PCLAF: variants seen among roughly 807,000 people sequenced by gnomAD.
The protein encoded by PCLAF is PCNA-associated factor.
In PCLAF, 12 loss-of-function variants were observed where a neutral mutation model predicts 15.1. The observed-to-expected ratio is 0.79, with a 90% confidence interval of 0.51 to 1.29. The LOEUF (loss-of-function observed/expected upper bound fraction) is 1.29. Ranked by LOEUF, PCLAF falls within the 50% of genes most tolerant of loss-of-function variation. PCLAF has a pLI of 0.00. For synonymous variants in PCLAF, 33 were observed against 47.1 expected (o/e 0.70, Z 1.22); for missense variants, 116 against 130.9 (o/e 0.89, Z 0.56).
At chr15:64,369,699 T>C (rs1405185536) in intron 3 of PCLAF, among the ~76,000 whole-genome samples, 1 of 152,156 alleles carries the variant, frequency 6.6e-6, no homozygotes, top group African/African-American at 2.4e-5. Context: ...CACATGCATG[T>C]GCCACCATAC....
chr15:64,386,395 ACT>A (rs1444509468), upstream of PCLAF, among the ~76,000 whole-genome samples: 1 of 152,208 alleles, frequency 6.6e-6, no homozygotes, highest in Non-Finnish European at 1.5e-5. Flanking sequence ...ATCAGGGCTC[ACT>A]TCAAGCTTGA....
intron 3 of PCLAF, among the ~76,000 whole-genome samples, chr15:64,375,876 G>A (rs1899586869): frequency 6.6e-6 from 1 of 152,178 alleles, no homozygotes; most frequent in African/African-American, 2.4e-5. Context: ...TATGTGAATG[G>A]GAACTGATCC....
chr15:64,366,663 C>A (rs929838758), intron 3 of PCLAF, among the ~76,000 whole-genome samples: 3 of 151,940 alleles, frequency 2.0e-5, no homozygotes, highest in Non-Finnish European at 4.4e-5. Context: ...CTTAGTGACA[C>A]CCCATCTCTA....
At chr15:64,383,435 C>T (rs553210335), upstream of PCLAF, among the ~76,000 whole-genome samples, 1 of 150,916 alleles carries the variant, frequency 6.6e-6, no homozygotes, top group East Asian at 2.0e-4. Flanking sequence ...GGCGTGTTCT[C>T]GGCTCACTGC....
intron 2 of PCLAF, among the ~76,000 whole-genome samples, chr15:64,380,738 T>C (rs1899785977): frequency 6.6e-6 from 1 of 152,058 alleles, no homozygotes; most frequent in Admixed American, 6.6e-5. Context: ...GGCTTGAAGA[T>C]AAGGTGTGTC....
At chr15:64,379,251 A>G (rs2140531957) in intron 2 of PCLAF, among the ~76,000 whole-genome samples, 1 of 152,002 alleles carries the variant, frequency 6.6e-6, no homozygotes, top group Non-Finnish European at 1.5e-5. Flanking sequence ...CTGAGGCGGG[A>G]GGATTGCTTC....
chr15:64,379,796 G>A (rs1388128737), intron 2 of PCLAF, among the ~76,000 whole-genome samples: 1 of 152,086 alleles, frequency 6.6e-6, no homozygotes, highest in East Asian at 1.9e-4. Flanking sequence ...CGCACAGAAG[G>A]AGCAGCGTGA....
At chr15:64,383,633 C>T (rs752927996), upstream of PCLAF, among the ~76,000 whole-genome samples, 6 of 152,106 alleles carry the variant, frequency 3.9e-5, no homozygotes, top group Non-Finnish European at 7.3e-5. Context: ...TCCCAAAGTG[C>T]TGGGATTACA....
intron 1 of PCLAF, 52 bp downstream of exon 1, chr15:64,381,274 A>G: frequency 6.2e-7 from 1 of 1,604,296 alleles, no homozygotes; most frequent in Non-Finnish European, 8.5e-7. Context: ...GCCCGTGGCC[A>G]GGCTGCCGGG....
intron 1 of PCLAF, among the ~76,000 whole-genome samples, chr15:64,387,139 T>C (rs1339511831): frequency 6.6e-6 from 1 of 151,990 alleles, no homozygotes; most frequent in Non-Finnish European, 1.5e-5. Flanking sequence ...TTTAGCGGTG[T>C]GAATCTAGTA....
chr15:64,366,975 A>C, intron 3 of PCLAF, among the ~76,000 whole-genome samples: 1 of 151,716 alleles, frequency 6.6e-6, no homozygotes. Flanking sequence ...TCTAAAAAAA[A>C]AAAAAATTAG....
chr15:64,376,858 G>A lies in PCLAF; in HGVS notation c.175C>T (p.Pro59Ser). 1 of 1,613,930 alleles carries A rather than the reference G, an allele frequency of 6.2e-7. No individual in the cohort carries two copies. The highest frequency in any genetic ancestry group is 8.5e-7 in the Non-Finnish European group (1 of 1,179,964). Residue 59 changes from proline (P) to serine (S), a missense_variant, in exon 3 of 4, where the codon CCC becomes TCC. Coordinates refer to ENST00000300035, the MANE Select transcript of PCLAF (RefSeq NM_014736.6). The stretch of plus-strand genomic sequence containing the variant: ...TCTCCAATTCCTTTTTGCCACTTGG[G>A]AGTTGGGCGCACGCAAACGGGGTTC... ...GGNPVCVRPT[P>S]KWQKGIGEFF...
intron 3 of PCLAF, 133 bp downstream of exon 3, chr15:64,376,610 G>A: frequency 1.6e-6 from 1 of 624,106 alleles, no homozygotes; most frequent in Non-Finnish European, 2.8e-6. Context: ...GTAGAGACAG[G>A]GTTCCACCAT....
chr15:64,373,782 G>C, intron 3 of PCLAF: 1 of 1,535,142 alleles, frequency 6.5e-7, no homozygotes, highest in Non-Finnish European at 8.7e-7. Context: ...AGGGGAGATA[G>C]CAAGTAGGGT....
At chr15:64,384,116 T>A (rs1017396905), upstream of PCLAF, among the ~76,000 whole-genome samples, 1 of 152,140 alleles carries the variant, frequency 6.6e-6, no homozygotes, top group Non-Finnish European at 1.5e-5. Context: ...ATCAATACAA[T>A]TTCTGCCTAA....
Position 64,365,826 on chromosome 15 carries a change from T to A in PCLAF, c.*204A>T, listed in dbSNP as rs1899007815. The A allele has an allele frequency of 1.8e-6, 1 of 570,746 alleles. No homozygotes were observed. The highest frequency in any genetic ancestry group is 3.4e-5 in the Admixed American group (1 of 29,768). The allele number at this position is 570,746 out of a possible 1,614,324, so 35.4% of individuals were successfully genotyped here. On this transcript the variant is annotated 3_prime_UTR_variant, in exon 4 of 4. Coordinates refer to ENST00000300035, the MANE Select transcript of PCLAF (RefSeq NM_014736.6). ...AAAAGAAACCAAACAATGCATTATATTGAATACTAAGCTAAGTTACCATAA... is the reference window on the plus strand; with the variant it reads ...AAAAGAAACCAAACAATGCATTATAATGAATACTAAGCTAAGTTACCATAA...
rs150196407 is a variant in PCLAF at position 64,379,203 on chromosome 15, G to A, written c.127+1755C>T. Among the ~76,000 whole-genome samples the A allele has an allele frequency of 8.6e-3, 1,303 of 152,134 alleles. 24 individuals carry two copies. The highest frequency in any genetic ancestry group is 0.03 in the African/African-American group (1,248 of 41,502). On this transcript the variant is annotated intron_variant, in intron 2 of 3. Transcript: ENST00000300035. ...CTAATGAAATTTCATCAGGCCAGGCGTGGTGGCTCACGTCTGTAATCCCAG... is the reference window on the plus strand; with the variant it reads ...CTAATGAAATTTCATCAGGCCAGGCATGGTGGCTCACGTCTGTAATCCCAG...
At chr15:64,386,871 A>G (rs539553767) in intron 1 of PCLAF, among the ~76,000 whole-genome samples, 31 of 152,170 alleles carry the variant, frequency 2.0e-4, no homozygotes, top group Non-Finnish European at 4.1e-4. Flanking sequence ...TAACCTGCAA[A>G]TGCAACAAAA....
intron 3 of PCLAF, chr15:64,373,710 G>C: frequency 6.5e-7 from 1 of 1,535,794 alleles, no homozygotes; most frequent in South Asian, 1.2e-5. Context: ...ATTTGGATCA[G>C]TGTGCCGTGT....
Sources: gnomAD v4.1 joint callset for allele counts (sites outside exome capture counted in the v4.1 genomes callset) on GRCh38, gnomAD v4.1.1 for gene constraint, MANE v1.5 for transcripts, NCBI Gene and HGNC (gene_info 2026-07-23, HGNC 2026-07-21) for gene names.